Variants in CDH4 observed in about 807,000 individuals in gnomAD.
CDH4 encodes the protein cadherin 4, also known as cadherin-4.
A neutral mutation model predicts 86.0 loss-of-function variants in CDH4; 33 were observed. The observed-to-expected ratio is 0.38, with a 90% confidence interval of 0.29 to 0.51. CDH4 has a LOEUF of 0.51. Ranked by LOEUF, CDH4 falls within the 20% of genes least tolerant of loss-of-function variation. The probability of loss-of-function intolerance (pLI) is 0.86; values close to 1 mark genes in which losing one functional copy is unlikely to be tolerated. For missense variants in CDH4, 1,114 were observed against 1,307.4 expected (o/e 0.85, Z 2.28); for synonymous variants, 555 against 549.4 (o/e 1.01, Z -0.14).
chr20:61,817,902 G>A (rs191620451), intron 4 of CDH4, among the ~76,000 whole-genome samples: 8 of 152,358 alleles, frequency 5.3e-5, no homozygotes, highest in South Asian at 2.1e-4. Flanking sequence ...CAGGACACAC[G>A]CTGAGCTCAC....
chr20:61,461,000 C>A (rs2085438875), intron 2 of CDH4, among the ~76,000 whole-genome samples: 1 of 152,194 alleles, frequency 6.6e-6, no homozygotes. Context: ...CTGCTCCCAT[C>A]TAAGCCGCCT....
chr20:61,398,355 G>T (rs567414016), intron 2 of CDH4, among the ~76,000 whole-genome samples: 154 of 152,346 alleles, frequency 1.0e-3, no homozygotes, highest in Non-Finnish European at 1.6e-3. Context: ...TCACCTCTAA[G>T]GGTGGAGAGA....
At chr20:61,262,141 C>A (rs1364941415) in intron 2 of CDH4, among the ~76,000 whole-genome samples, 1 of 152,162 alleles carries the variant, frequency 6.6e-6, no homozygotes, top group African/African-American at 2.4e-5. Flanking sequence ...GCACCAGGAA[C>A]CTTAGTGAGG....
intron 2 of CDH4, among the ~76,000 whole-genome samples, chr20:61,584,965 C>G (rs2086458707): frequency 6.6e-6 from 1 of 152,218 alleles, no homozygotes; most frequent in Non-Finnish European, 1.5e-5. Flanking sequence ...AAAGCCATCG[C>G]CGATGTGAGG....
At chr20:61,395,512 G>A (rs2085011866) in intron 2 of CDH4, among the ~76,000 whole-genome samples, 1 of 152,130 alleles carries the variant, frequency 6.6e-6, no homozygotes, top group Non-Finnish European at 1.5e-5. Flanking sequence ...AGGCATGGTG[G>A]TTCACACATG....
chr20:61,263,664 T>C (rs2084140229), intron 2 of CDH4, among the ~76,000 whole-genome samples: 1 of 152,186 alleles, frequency 6.6e-6, no homozygotes. Context: ...GCAGTATAAA[T>C]CCCCACATAT....
intron 2 of CDH4, among the ~76,000 whole-genome samples, chr20:61,710,716 CT>C (rs145177490): frequency 1.7e-3 from 259 of 152,340 alleles, no homozygotes; most frequent in African/African-American, 5.8e-3. Context: ...ATTCTCAGTG[CT>C]GCAGAGACAA....
intron 2 of CDH4, among the ~76,000 whole-genome samples, chr20:61,338,483 C>T (rs191897103): frequency 1.8e-3 from 274 of 152,274 alleles, no homozygotes; most frequent in Non-Finnish European, 3.4e-3. Context: ...GAATGGGAAT[C>T]GGCGAATGAG....
chr20:61,675,993 C>T (rs1457582324), intron 2 of CDH4, among the ~76,000 whole-genome samples: 1 of 152,224 alleles, frequency 6.6e-6, no homozygotes, highest in Admixed American at 6.5e-5. Context: ...GCCCAGAGCA[C>T]AGGCTCAGGC....
intron 2 of CDH4, among the ~76,000 whole-genome samples, chr20:61,687,248 G>A (rs909869438): frequency 3.3e-5 from 5 of 152,202 alleles, no homozygotes; most frequent in African/African-American, 1.2e-4. Context: ...TCTGACACCA[G>A]ACATCATCCA....
At chr20:61,331,647 C>CCAAGCCACCT (rs200730495) in intron 2 of CDH4, among the ~76,000 whole-genome samples, 6 of 37,940 alleles carry the variant, frequency 1.6e-4, no homozygotes, top group African/African-American at 2.1e-4. Flanking sequence ...ACCCACCTCC[C>CCAAGCCACCT]GCCCCAGCCA....
chr20:61,694,808 C>T (rs973743754), intron 2 of CDH4, among the ~76,000 whole-genome samples: 3 of 152,184 alleles, frequency 2.0e-5, no homozygotes, highest in East Asian at 1.9e-4. Context: ...CTCCTCTGCA[C>T]GGGAGCCACC....
At chr20:61,723,583 C>A (rs2088068674) in intron 2 of CDH4, among the ~76,000 whole-genome samples, 1 of 152,174 alleles carries the variant, frequency 6.6e-6, no homozygotes, top group African/African-American at 2.4e-5. Context: ...CTGCTCTTCT[C>A]GAGGGTTCCC....
chr20:61,786,405 A>G (rs1294155753), intron 4 of CDH4, among the ~76,000 whole-genome samples: 1 of 152,070 alleles, frequency 6.6e-6, no homozygotes, highest in Non-Finnish European at 1.5e-5. Context: ...GGGGATTCAC[A>G]TTGTCCCCGC....
chr20:61,500,973 A>G (rs1039503880), intron 2 of CDH4, among the ~76,000 whole-genome samples: 16 of 152,188 alleles, frequency 1.1e-4, no homozygotes, highest in Admixed American at 8.5e-4. Context: ...TGTGCTAAGC[A>G]TATCTCTCCT....
At chr20:61,512,904 G>A (rs1568871748) in intron 2 of CDH4, among the ~76,000 whole-genome samples, 1 of 152,222 alleles carries the variant, frequency 6.6e-6, no homozygotes, top group African/African-American at 2.4e-5. Flanking sequence ...TTCAGTTTGT[G>A]TGTTTGTTTG....
intron 2 of CDH4, among the ~76,000 whole-genome samples, chr20:61,583,099 A>G (rs2145721324): frequency 6.8e-6 from 1 of 147,876 alleles, no homozygotes. Flanking sequence ...GGAGGTGAAG[A>G]GAAGAGGGTA....
intron 2 of CDH4, among the ~76,000 whole-genome samples, chr20:61,438,717 G>C (rs939195630): frequency 1.3e-5 from 2 of 152,068 alleles, no homozygotes. Context: ...AAAAATATTG[G>C]TCAAAACTTT....
intron 6 of CDH4, among the ~76,000 whole-genome samples, chr20:61,867,485 G>C (rs1242683042): frequency 6.6e-6 from 1 of 151,682 alleles, no homozygotes; most frequent in Non-Finnish European, 1.5e-5. Context: ...AGGAGGTGAA[G>C]GCTGCAGTGA....
Sources: allele counts gnomAD v4.1 joint callset (sites outside exome capture counted in the v4.1 genomes callset), GRCh38; gene constraint gnomAD v4.1.1; transcripts MANE v1.5; gene names NCBI Gene and HGNC (gene_info 2026-07-23, HGNC 2026-07-21).